ADAMTS12: variants seen among roughly 807,000 people sequenced by gnomAD.
The protein encoded by ADAMTS12 is A disintegrin and metalloproteinase with thrombospondin motifs 12.
Under a neutral mutation model 167.8 loss-of-function variants are expected in ADAMTS12, and 118 were observed. The observed-to-expected ratio is 0.70, with a 90% CI of 0.61 to 0.82. The LOEUF is 0.82. Ranked by LOEUF, ADAMTS12 falls within the 40% of genes least tolerant of loss-of-function variation. The probability of loss-of-function intolerance (pLI) is 0.00; values close to 1 mark genes in which losing one functional copy is unlikely to be tolerated. For missense variants in ADAMTS12, 1,916 were observed against 1,998.8 expected (o/e 0.96, Z 0.79); for synonymous variants, 704 against 716.9 (o/e 0.98, Z 0.29).
At chr5:33,774,598 C>G (rs967808261) in intron 2 of ADAMTS12, among the ~76,000 whole-genome samples, 4 of 152,054 alleles carry the variant, frequency 2.6e-5, no homozygotes, top group African/African-American at 9.7e-5. Flanking sequence ...CCAGAGTCTG[C>G]GAAGTTAGAA....
chr5:33,653,255 A>C (rs973202379), intron 7 of ADAMTS12, among the ~76,000 whole-genome samples: 1 of 152,148 alleles, frequency 6.6e-6, no homozygotes, highest in East Asian at 1.9e-4. Flanking sequence ...TTTATCTACT[A>C]AAATTAATAT....
Position 33,643,460 on chromosome 5 carries a change from T to C in ADAMTS12, c.1490A>G (p.Gln497Arg). Residue 497 changes from glutamine to arginine, a missense_variant, in exon 10 of 24, where the codon CAG becomes CGG. Transcript: ENST00000504830. Reference protein sequence around the residue: ...TFCQEVENVCQTLWCSVKGFC... With the variant: ...TFCQEVENVCRTLWCSVKGFC... Reference sequence around the variant, plus strand: ...GCCCTTCACGGAGCACCACAGTGTCTGGCAGACGTTCTAGAAAACAAATTG... The same window carrying C: ...GCCCTTCACGGAGCACCACAGTGTCCGGCAGACGTTCTAGAAAACAAATTG... 2 of 1,614,118 alleles carry C rather than the reference T, an allele frequency of 1.2e-6. No homozygotes were observed. The highest frequency in any genetic ancestry group is 1.7e-6 in the Non-Finnish European group (2 of 1,179,938).
At chr5:33,826,218 A>G (rs1043531960) in intron 2 of ADAMTS12, among the ~76,000 whole-genome samples, 6 of 152,116 alleles carry the variant, frequency 3.9e-5, no homozygotes, top group African/African-American at 1.2e-4. Context: ...TTTATATTCA[A>G]TTTATGCATC....
Position 33,891,717 on chromosome 5 carries a change from A to T in ADAMTS12, c.127+13T>A. ...ACCACTGTTTTAAAAAGAAATAAAG[A>T]AGAGTCACTAACCTTGCCTCCTGTC... is the stretch of plus-strand genomic sequence containing the variant. On this transcript the variant is annotated intron_variant, in intron 1 of 23. Transcript: ENST00000504830. 6.2e-7 allele frequency: 1 copy of T among 1,613,786 alleles called. No individual in the cohort carries two copies. The highest frequency in any genetic ancestry group is 1.7e-4 in the Middle Eastern group (1 of 6,058).
intron 1 of ADAMTS12, among the ~76,000 whole-genome samples, chr5:33,885,998 G>A (rs147716730): frequency 3.3e-5 from 5 of 152,174 alleles, no homozygotes; most frequent in Admixed American, 6.5e-5. Flanking sequence ...AGAGTGTGGC[G>A]GAAGCAAACT....
At chr5:33,672,246 C>A (rs1287229971) in intron 5 of ADAMTS12, among the ~76,000 whole-genome samples, 1 of 147,728 alleles carries the variant, frequency 6.8e-6, no homozygotes, top group African/African-American at 2.5e-5. Flanking sequence ...CATACCACAC[C>A]CACATACTCA....
In ADAMTS12 at chr5:33,683,826, T is replaced by C. The variant is rs11952203; in HGVS notation, c.831+33A>G. 6,943 of 1,402,410 alleles carry C rather than the reference T, an allele frequency of 5.0e-3. 271 individuals are homozygous for C. In the African/African-American group the frequency reaches 0.089, roughly 18 times the overall value. The allele number at this position is 1,402,410 out of a possible 1,614,324, so 86.9% of individuals were successfully genotyped here. A position where few individuals can be genotyped will look rare whatever the true frequency, so the allele number is the denominator to read the frequency against. ...AGCATTTCTAATGACATCTGTTCAC[T>C]AGCTGCCCCAGCCCCCATGTAGTCT... is the stretch of plus-strand genomic sequence containing the variant. On this transcript the variant is annotated intron_variant, in intron 4 of 23. Transcript: ENST00000504830.
intron 3 of ADAMTS12, among the ~76,000 whole-genome samples, chr5:33,723,658 A>T (rs1220585065): frequency 6.6e-6 from 1 of 152,184 alleles, no homozygotes; most frequent in Non-Finnish European, 1.5e-5. Context: ...TAAAAGCAGC[A>T]CAACATGGAG....
At chr5:33,792,346 T>C (rs1746608153) in intron 2 of ADAMTS12, among the ~76,000 whole-genome samples, 1 of 152,180 alleles carries the variant, frequency 6.6e-6, no homozygotes, top group Non-Finnish European at 1.5e-5. Context: ...CCCCGTACTA[T>C]AGAGCCAATT....
chr5:33,770,452 T>C (rs1745695090), intron 2 of ADAMTS12, among the ~76,000 whole-genome samples: 1 of 152,200 alleles, frequency 6.6e-6, no homozygotes, highest in Non-Finnish European at 1.5e-5. Context: ...GCAGGAGCTT[T>C]AAGTAAGTCC....
At chr5:33,617,041 T>G (rs1739054806) in intron 14 of ADAMTS12, among the ~76,000 whole-genome samples, 1 of 152,206 alleles carries the variant, frequency 6.6e-6, no homozygotes, top group Non-Finnish European at 1.5e-5. Flanking sequence ...TTGAAAGACT[T>G]GCATTCTAGT....
chr5:33,842,061 A>C (rs1748764288), intron 2 of ADAMTS12, among the ~76,000 whole-genome samples: 1 of 152,170 alleles, frequency 6.6e-6, no homozygotes, highest in South Asian at 2.1e-4. Flanking sequence ...CCACTCATGC[A>C]ATCGGGTGAA....
intron 2 of ADAMTS12, among the ~76,000 whole-genome samples, chr5:33,832,975 C>G (rs1326563561): frequency 6.6e-6 from 1 of 152,190 alleles, no homozygotes; most frequent in African/African-American, 2.4e-5. Context: ...TATCATCTCT[C>G]TTGTTCACAT....
chr5:33,625,297 G>A (rs1305729919), intron 13 of ADAMTS12, among the ~76,000 whole-genome samples: 1 of 150,744 alleles, frequency 6.6e-6, no homozygotes, highest in African/African-American at 2.5e-5. Context: ...TAAGTGCTAA[G>A]AGATTTAAAA....
At chr5:33,626,325 ATGG>A (rs1376861515) in intron 13 of ADAMTS12, among the ~76,000 whole-genome samples, 1 of 142,816 alleles carries the variant, frequency 7.0e-6, no homozygotes, top group Non-Finnish European at 1.5e-5. Context: ...GGCAGTGATG[ATGG>A]TGGTGATGTG....
chr5:33,723,579 C>T (rs1303255655), intron 3 of ADAMTS12, among the ~76,000 whole-genome samples: 1 of 152,174 alleles, frequency 6.6e-6, no homozygotes, highest in African/African-American at 2.4e-5. Flanking sequence ...ACATCAGTTA[C>T]AACCTGGGTG....
intron 2 of ADAMTS12, among the ~76,000 whole-genome samples, chr5:33,825,132 C>T (rs577755410): frequency 1.3e-5 from 2 of 152,290 alleles, no homozygotes; most frequent in South Asian, 4.2e-4. Context: ...AAAACTACAG[C>T]GGTTTCACCC....
chr5:33,529,312 G>C (rs16891287), intron 23 of ADAMTS12, among the ~76,000 whole-genome samples: 2,892 of 152,208 alleles, frequency 0.019, 94 homozygotes, highest in African/African-American at 0.067. Context: ...GTTGCTCAGG[G>C]ACCACCCCCA....
intron 2 of ADAMTS12, among the ~76,000 whole-genome samples, chr5:33,773,430 C>T (rs1473666633): frequency 6.6e-6 from 1 of 152,144 alleles, no homozygotes; most frequent in Non-Finnish European, 1.5e-5. Flanking sequence ...AAATGAAACC[C>T]TGCTGCCAGT....
Sources: allele counts gnomAD v4.1 joint callset (sites outside exome capture counted in the v4.1 genomes callset), GRCh38; gene constraint gnomAD v4.1.1; transcripts MANE v1.5; gene names NCBI Gene and HGNC (gene_info 2026-07-23, HGNC 2026-07-21).